The following POU2F2 variants were observed in gnomAD, a reference collection of about 807,000 sequenced individuals.
POU2F2 encodes POU class 2 homeobox 2.
Under a neutral mutation model 63.5 loss-of-function variants are expected in POU2F2, and 14 were observed. That is an observed-to-expected ratio of 0.22 (90% CI 0.15 to 0.34). The LOEUF (loss-of-function observed/expected upper bound fraction) is 0.34, where lower values mean the gene tolerates loss of function less well. Among genes scored for constraint, POU2F2 ranks in the 10% least tolerant of loss-of-function variants. The probability of loss-of-function intolerance (pLI) is 1.00; values close to 1 mark genes in which losing one functional copy is unlikely to be tolerated. For missense variants in POU2F2, 607 were observed against 815.2 expected (o/e 0.74, Z 3.11); for synonymous variants, 306 against 348.6 (o/e 0.88, Z 1.36).
Position 42,162,296 on chromosome 19 carries a change from C to T in POU2F2, c.-69-1904G>A, listed in dbSNP as rs1442293997. On this transcript the variant is annotated intron_variant, in intron 1 of 6. Transcript: ENST00000524801. The surrounding 1 kb of genome is among the most constrained non-coding windows in gnomAD (Gnocchi z 4.1). The stretch of plus-strand genomic sequence containing the variant: ...TCCCGGGTTCCCAAACCCCAATATG[C>T]CCTCCGACAGAGGGGAGAGGATCCC... Among the ~76,000 whole-genome samples the T allele has an allele frequency of 6.6e-6, 1 of 152,122 alleles. No homozygotes were observed. The highest frequency in any genetic ancestry group is 1.5e-5 in the Non-Finnish European group (1 of 68,022).
At chr19:42,174,651 T>G (rs1187162741) in intron 1 of POU2F2, among the ~76,000 whole-genome samples, 1 of 151,852 alleles carries the variant, frequency 6.6e-6, no homozygotes, top group Non-Finnish European at 1.5e-5. Flanking sequence ...CACACACAGT[T>G]AGTCCTTCCT....
upstream of POU2F2, among the ~76,000 whole-genome samples, chr19:42,178,444 G>A (rs2034922321): frequency 6.6e-6 from 1 of 152,198 alleles, no homozygotes; most frequent in Non-Finnish European, 1.5e-5. Context: ...ATGTAAGGCA[G>A]TGTTGCAGAG....
chr19:42,121,474 G>A (rs1317146375), intron 4 of POU2F2, among the ~76,000 whole-genome samples: 1 of 152,084 alleles, frequency 6.6e-6, no homozygotes, highest in African/African-American at 2.4e-5. Context: ...GCTGTAGCAG[G>A]GTGGGGAGCA....
chr19:42,174,938 GC>G (rs2034844333), intron 1 of POU2F2, among the ~76,000 whole-genome samples: 1 of 152,336 alleles, frequency 6.6e-6, no homozygotes, highest in East Asian at 1.9e-4. Context: ...CAGGAAGGAG[GC>G]AGAAAGTGGG....
At chr19:42,146,779 G>A (rs2034243343) in intron 2 of POU2F2, among the ~76,000 whole-genome samples, 1 of 152,224 alleles carries the variant, frequency 6.6e-6, no homozygotes, top group Non-Finnish European at 1.5e-5. Flanking sequence ...CTGCCTCATG[G>A]AGGCTTCCTG....
At chr19:42,194,758 CAAAAAAAAAAAAA>C (rs71167389) in intron 1 of POU2F2, among the ~76,000 whole-genome samples, 267 of 21,720 alleles carry the variant, frequency 0.012, 1 homozygote, top group Non-Finnish European at 0.016. Context: ...GACTCTGTCT[CAAAAAAAAAAAAA>C]AAAAAAAAAA....
Position 42,120,421 on chromosome 19 carries a change from G to C in POU2F2, c.186+1705C>G, listed in dbSNP as rs184191578. ...TTTTTAGTAGAGTCGAAGTTTCACC[G>C]TGTTGGCCAGGCTGGTCTCAAGCTC... is the stretch of plus-strand genomic sequence containing the variant. On this transcript the variant is annotated intron_variant, in intron 4 of 14. Coordinates refer to ENST00000692977, the MANE Select transcript of POU2F2 (RefSeq NM_001394376.1). 2.0e-5 allele frequency among the ~76,000 whole-genome samples: 3 copies of C among 151,852 alleles called. No individual in the cohort carries two copies. In the East Asian group the frequency reaches 5.8e-4, roughly 30 times the overall value.
At chr19:42,143,000 C>T (rs575076058) in intron 2 of POU2F2, among the ~76,000 whole-genome samples, 56 of 152,258 alleles carry the variant, frequency 3.7e-4, no homozygotes, top group Non-Finnish European at 7.9e-4. Flanking sequence ...AAGGGACACA[C>T]GGGGTGGGGC....
At chr19:42,144,766 G>A (rs745613516) in intron 2 of POU2F2, among the ~76,000 whole-genome samples, 3 of 152,188 alleles carry the variant, frequency 2.0e-5, no homozygotes, top group Non-Finnish European at 2.9e-5. Context: ...CTTTTCAGAG[G>A]AGCACCCCAA....
At chr19:42,178,868 C>A (rs2034927690), upstream of POU2F2, among the ~76,000 whole-genome samples, 1 of 151,738 alleles carries the variant, frequency 6.6e-6, no homozygotes, top group Non-Finnish European at 1.5e-5. Context: ...GACAGAGACC[C>A]AGAGAGTCAA....
intron 1 of POU2F2, among the ~76,000 whole-genome samples, chr19:42,161,775 AC>A (rs1457944443): frequency 6.6e-6 from 1 of 151,886 alleles, no homozygotes; most frequent in Non-Finnish European, 1.5e-5. Context: ...GGGGACCAGA[AC>A]CCCTGGTCCC....
chr19:42,145,724 C>T (rs2034216790), intron 2 of POU2F2, among the ~76,000 whole-genome samples: 1 of 152,124 alleles, frequency 6.6e-6, no homozygotes, highest in Non-Finnish European at 1.5e-5. Context: ...TGCTTGAGGT[C>T]AGGAGTTCGA....
At chr19:42,115,813 T>C (rs1472837589) in intron 5 of POU2F2, among the ~76,000 whole-genome samples, 2 of 152,156 alleles carry the variant, frequency 1.3e-5, no homozygotes, top group Non-Finnish European at 2.9e-5. Flanking sequence ...GGAAATAGGG[T>C]TGCAGATGTA....
At chr19:42,178,934 C>T (rs1165568383), upstream of POU2F2, among the ~76,000 whole-genome samples, 2 of 151,936 alleles carry the variant, frequency 1.3e-5, no homozygotes, top group Non-Finnish European at 2.9e-5. Flanking sequence ...GTGACAGGAA[C>T]AGAGAAACCT....
At chr19:42,103,087 T>A (rs1195437030) in intron 5 of POU2F2, among the ~76,000 whole-genome samples, 1 of 151,966 alleles carries the variant, frequency 6.6e-6, no homozygotes, top group Non-Finnish European at 1.5e-5. Flanking sequence ...TACATGCCGT[T>A]CCCTCTCCTG....
rs988907687 is a variant in POU2F2, at chr19:42,087,931, G to A, written c.*3326C>T. ...AAACGATGAGATAGTTTTGTTTCCC[G>A]GAGTCGAGACGGGGGACCAGAGTGT... On this transcript the variant is annotated 3_prime_UTR_variant, in exon 15 of 15. Coordinates refer to ENST00000692977, the MANE Select transcript of POU2F2 (RefSeq NM_001394376.1). 3 of 152,220 alleles carry A rather than the reference G, an allele frequency of 2.0e-5. No individual in the cohort carries two copies. The highest frequency in any genetic ancestry group is 7.2e-5 in the African/African-American group (3 of 41,412). 9.4% of individuals were successfully genotyped at this position (152,220 alleles called of 1,614,324 possible).
intron 1 of POU2F2, among the ~76,000 whole-genome samples, chr19:42,168,664 T>C (rs576361743): frequency 6.6e-6 from 1 of 152,262 alleles, no homozygotes; most frequent in Admixed American, 6.5e-5. Context: ...ATTTCCCACC[T>C]AGGGACATGC....
At chr19:42,127,986 C>A (rs187637977) in intron 1 of POU2F2, among the ~76,000 whole-genome samples, 174 of 152,170 alleles carry the variant, frequency 1.1e-3, no homozygotes, top group African/African-American at 4.1e-3. Context: ...TCTCTACTGG[C>A]AAACTCTTGC....
At chr19:42,189,324 A>G (rs1047837557) in intron 1 of POU2F2, among the ~76,000 whole-genome samples, 1 of 152,202 alleles carries the variant, frequency 6.6e-6, no homozygotes, top group African/African-American at 2.4e-5. Flanking sequence ...GGAGGCCACA[A>G]GACTCAAGCT....
Sources: allele counts gnomAD v4.1 joint callset (sites outside exome capture counted in the v4.1 genomes callset), GRCh38; gene constraint gnomAD v4.1.1; non-coding constraint Gnocchi (gnomAD v3.1); transcripts MANE v1.5; gene names NCBI Gene and HGNC (gene_info 2026-07-23, HGNC 2026-07-21).